Variants in MAF observed in about 807,000 individuals in gnomAD.
MAF encodes transcription factor Maf.
In MAF, 10 loss-of-function variants were observed where a neutral mutation model predicts 22.0. That is an observed-to-expected ratio of 0.45 (90% CI 0.28 to 0.77). The LOEUF (loss-of-function observed/expected upper bound fraction) is 0.77. MAF is among the 30% of genes least tolerant of loss of function. The probability of loss-of-function intolerance (pLI) is 0.12; values close to 1 mark genes in which losing one functional copy is unlikely to be tolerated. For missense variants in MAF, 544 were observed against 548.4 expected (o/e 0.99, Z 0.08); for synonymous variants, 337 against 255.8 (o/e 1.32, Z -3.03).
At chr16:79,386,969 C>G in the MAF span, among the ~76,000 whole-genome samples, 1 of 152,194 alleles carries the variant, frequency 6.6e-6, no homozygotes, top group Non-Finnish European at 1.5e-5. Flanking sequence ...GTTGGTTATA[C>G]GTTCAGCCAT....
the MAF span, among the ~76,000 whole-genome samples, chr16:79,470,167 C>G: frequency 6.6e-6 from 1 of 152,160 alleles, no homozygotes; most frequent in Non-Finnish European, 1.5e-5. Context: ...GAAAAATGTC[C>G]CAATAGATCA....
At chr16:79,554,040 G>C in the MAF span, among the ~76,000 whole-genome samples, 1 of 152,160 alleles carries the variant, frequency 6.6e-6, no homozygotes, top group Non-Finnish European at 1.5e-5. Context: ...AGTGAGCTGA[G>C]ATCATGCCAC....
the MAF span, among the ~76,000 whole-genome samples, chr16:79,533,240 G>A: frequency 2.6e-5 from 4 of 151,980 alleles, no homozygotes; most frequent in African/African-American, 9.7e-5. Context: ...TTTTTAAAGG[G>A]GGCAGAGGGA....
chr16:79,570,787 C>T, the MAF span, among the ~76,000 whole-genome samples: 2 of 152,156 alleles, frequency 1.3e-5, no homozygotes, highest in Non-Finnish European at 2.9e-5. Context: ...CCTTCTGAGC[C>T]CATGCCTATG....
the MAF span, among the ~76,000 whole-genome samples, chr16:79,425,432 A>T: frequency 3.3e-5 from 5 of 152,354 alleles, no homozygotes; most frequent in Non-Finnish European, 7.3e-5. Context: ...TTTGTGGCCT[A>T]GGAACTCTAG....
chr16:79,247,284 T>C, the MAF span, among the ~76,000 whole-genome samples: 2 of 152,198 alleles, frequency 1.3e-5, no homozygotes, highest in African/African-American at 4.8e-5. Flanking sequence ...AGAAAAGGCA[T>C]CTTGAAATTA....
At chr16:79,493,718 A>C in the MAF span, among the ~76,000 whole-genome samples, 6 of 152,230 alleles carry the variant, frequency 3.9e-5, no homozygotes, top group Non-Finnish European at 8.8e-5. Flanking sequence ...AATGACAGCC[A>C]CCTCAGCTTG....
chr16:79,559,078 C>T, the MAF span, among the ~76,000 whole-genome samples: 121 of 152,152 alleles, frequency 8.0e-4, 1 homozygote, highest in South Asian at 0.024. Flanking sequence ...ATCTAATTGC[C>T]GTTTCTGAAA....
At chr16:79,353,804 G>C in the MAF span, among the ~76,000 whole-genome samples, 1 of 152,070 alleles carries the variant, frequency 6.6e-6, no homozygotes, top group Non-Finnish European at 1.5e-5. Context: ...AAGGAAAAAA[G>C]AAAAGCAGAT....
the MAF span, among the ~76,000 whole-genome samples, chr16:79,394,423 C>T: frequency 6.6e-6 from 1 of 152,204 alleles, no homozygotes; most frequent in Admixed American, 6.5e-5. Context: ...CCTCCCTCCC[C>T]TGGGCCTCCC....
the MAF span, among the ~76,000 whole-genome samples, chr16:79,283,852 G>A: frequency 2.0e-5 from 3 of 151,700 alleles, no homozygotes; most frequent in African/African-American, 4.8e-5. Flanking sequence ...AAGCTGCTTG[G>A]CCTGTCCTCA....
the MAF span, among the ~76,000 whole-genome samples, chr16:79,479,249 T>A: frequency 6.6e-6 from 1 of 152,242 alleles, no homozygotes; most frequent in Non-Finnish European, 1.5e-5. Context: ...ACCTGTGTCA[T>A]ACCTTTGTAC....
chr16:79,402,810 G>T, the MAF span, among the ~76,000 whole-genome samples: 1 of 152,202 alleles, frequency 6.6e-6, no homozygotes, highest in African/African-American at 2.4e-5. Context: ...TCTCACTGTT[G>T]TACCTGCCCA....
the MAF span, among the ~76,000 whole-genome samples, chr16:79,278,982 C>A: frequency 1.3e-5 from 2 of 152,052 alleles, no homozygotes; most frequent in Admixed American, 6.5e-5. Flanking sequence ...ACTTGCTATA[C>A]CCCTCAAATA....
chr16:79,465,725 G>A, the MAF span, among the ~76,000 whole-genome samples: 1 of 152,100 alleles, frequency 6.6e-6, no homozygotes, highest in Admixed American at 6.6e-5. Context: ...TGTGTCCTTG[G>A]CTGCATTACT....
the MAF span, among the ~76,000 whole-genome samples, chr16:79,373,444 G>C: frequency 8.0e-6 from 1 of 124,606 alleles, no homozygotes; most frequent in African/African-American, 3.0e-5. Context: ...GTGCAATGGA[G>C]TGATCTCAGC....
chr16:79,361,420 G>A, the MAF span, among the ~76,000 whole-genome samples: 1 of 152,132 alleles, frequency 6.6e-6, no homozygotes, highest in South Asian at 2.1e-4. Flanking sequence ...TCCTTATAGG[G>A]GCCTAAGGAG....
the MAF span, among the ~76,000 whole-genome samples, chr16:79,499,387 C>A: frequency 2.6e-5 from 4 of 152,174 alleles, no homozygotes; most frequent in African/African-American, 4.8e-5. Context: ...GACAACTCCA[C>A]CCTCCATAGG....
At chr16:79,339,438 G>C in the MAF span, among the ~76,000 whole-genome samples, 310 of 152,200 alleles carry the variant, frequency 2.0e-3, 5 homozygotes, top group East Asian at 7.7e-4. Context: ...TGCCATTGAG[G>C]CCCCAGAGGA....
Sources: allele counts gnomAD v4.1 joint callset (sites outside exome capture counted in the v4.1 genomes callset), GRCh38; gene constraint gnomAD v4.1.1; transcripts MANE v1.5; gene names NCBI Gene and HGNC (gene_info 2026-07-23, HGNC 2026-07-21).